Variants in MAF observed in about 807,000 individuals in gnomAD.
The protein encoded by MAF is transcription factor Maf.
Under a neutral mutation model 22.0 loss-of-function variants are expected in MAF, and 10 were observed. The ratio of observed to expected loss-of-function variants is 0.45; its 90% CI spans 0.28 to 0.77. MAF has a LOEUF of 0.77. Among genes scored for constraint, MAF ranks in the 30% least tolerant of loss-of-function variants. The pLI is 0.12. For synonymous variants in MAF, 337 were observed against 255.8 expected (o/e 1.32, Z -3.03); for missense variants, 544 against 548.4 (o/e 0.99, Z 0.08).
At chr16:79,390,722 C>T in the MAF span, among the ~76,000 whole-genome samples, 2 of 152,242 alleles carry the variant, frequency 1.3e-5, no homozygotes, top group South Asian at 4.2e-4. Context: ...TTAGAAACGA[C>T]TTGTGAGATC....
the MAF span, among the ~76,000 whole-genome samples, chr16:79,213,624 G>T: frequency 2.0e-5 from 3 of 152,152 alleles, no homozygotes; most frequent in African/African-American, 4.8e-5. Flanking sequence ...CATAGGGAAC[G>T]GCTCCTGGGC....
the MAF span, among the ~76,000 whole-genome samples, chr16:79,532,339 T>C: frequency 2.6e-5 from 4 of 152,172 alleles, no homozygotes; most frequent in South Asian, 2.1e-4. Flanking sequence ...AGACAAATAT[T>C]TTATGCAAAT....
At chr16:79,536,176 C>A in the MAF span, among the ~76,000 whole-genome samples, 3 of 152,286 alleles carry the variant, frequency 2.0e-5, no homozygotes, top group Non-Finnish European at 4.4e-5. Flanking sequence ...TGGTAGTCAA[C>A]CTACTTTTCA....
the MAF span, among the ~76,000 whole-genome samples, chr16:79,507,150 C>G: frequency 2.9e-5 from 4 of 137,824 alleles, no homozygotes; most frequent in African/African-American, 8.4e-5. Context: ...GTTTTACTCT[C>G]TCGCCCAGGC....
the MAF span, among the ~76,000 whole-genome samples, chr16:79,538,758 G>A: frequency 6.6e-6 from 1 of 151,730 alleles, no homozygotes; most frequent in Admixed American, 6.6e-5. Flanking sequence ...CCAAGGAGGT[G>A]GAGGTTGCAG....
the MAF span, among the ~76,000 whole-genome samples, chr16:79,234,720 T>A: frequency 1.3e-5 from 2 of 151,846 alleles, no homozygotes; most frequent in Non-Finnish European, 2.9e-5. Flanking sequence ...CAGGAAAGGG[T>A]TAGCTGATAC....
the MAF span, among the ~76,000 whole-genome samples, chr16:79,301,045 GA>G: frequency 6.7e-3 from 1,016 of 152,026 alleles, 10 homozygotes; most frequent in African/African-American, 0.023. Flanking sequence ...TAGGTCCCCT[GA>G]AAAAAACACA....
the MAF span, among the ~76,000 whole-genome samples, chr16:79,260,607 G>C: frequency 4.6e-5 from 7 of 152,172 alleles, no homozygotes; most frequent in Non-Finnish European, 5.9e-5. Context: ...TTGACACATA[G>C]TAATTACTCA....
At chr16:79,445,934 A>G in the MAF span, among the ~76,000 whole-genome samples, 2 of 152,170 alleles carry the variant, frequency 1.3e-5, no homozygotes, top group Non-Finnish European at 2.9e-5. Context: ...AATACATCAG[A>G]CACTGACTCT....
At chr16:79,245,220 A>T in the MAF span, among the ~76,000 whole-genome samples, 331 of 152,176 alleles carry the variant, frequency 2.2e-3, 3 homozygotes, top group African/African-American at 6.9e-3. Context: ...GACAAATGGG[A>T]TCTAATTAAA....
the MAF span, among the ~76,000 whole-genome samples, chr16:79,480,562 G>C: frequency 4.6e-5 from 7 of 152,212 alleles, no homozygotes; most frequent in African/African-American, 1.4e-4. Flanking sequence ...TCCAAGTGCA[G>C]TGCTCTATTT....
At chr16:79,498,738 A>G in the MAF span, among the ~76,000 whole-genome samples, 1 of 152,236 alleles carries the variant, frequency 6.6e-6, no homozygotes, top group Non-Finnish European at 1.5e-5. Flanking sequence ...GAATCCTTGT[A>G]TATAACATAA....
At chr16:79,284,641 G>A in the MAF span, among the ~76,000 whole-genome samples, 1 of 152,154 alleles carries the variant, frequency 6.6e-6, no homozygotes, top group Non-Finnish European at 1.5e-5. Context: ...CATAAAACAA[G>A]GGTGACTTTT....
At chr16:79,386,914 T>C in the MAF span, among the ~76,000 whole-genome samples, 1 of 152,182 alleles carries the variant, frequency 6.6e-6, no homozygotes, top group African/African-American at 2.4e-5. Context: ...AGGCAGTTCT[T>C]TGAAGTCTTA....
At chr16:79,551,491 A>G in the MAF span, among the ~76,000 whole-genome samples, 5 of 152,146 alleles carry the variant, frequency 3.3e-5, no homozygotes, top group African/African-American at 7.2e-5. Flanking sequence ...ACTGGCCCTA[A>G]CAATTACAAG....
At chr16:79,499,141 T>C in the MAF span, among the ~76,000 whole-genome samples, 1 of 152,214 alleles carries the variant, frequency 6.6e-6, no homozygotes. Flanking sequence ...ATTAGTCATC[T>C]TTGCTGCAGT....
At chr16:79,494,489 C>T in the MAF span, among the ~76,000 whole-genome samples, 6 of 152,146 alleles carry the variant, frequency 3.9e-5, no homozygotes, top group African/African-American at 1.4e-4. Flanking sequence ...ACACCCAAGA[C>T]AGTTTCTCCA....
chr16:79,547,778 C>T, the MAF span, among the ~76,000 whole-genome samples: 2 of 152,028 alleles, frequency 1.3e-5, no homozygotes, highest in African/African-American at 4.8e-5. Context: ...AAAATAAGTC[C>T]AATACTGGAT....
chr16:79,365,215 T>C, the MAF span, among the ~76,000 whole-genome samples: 2 of 152,182 alleles, frequency 1.3e-5, no homozygotes, highest in Non-Finnish European at 2.9e-5. Context: ...CTAAATGTCA[T>C]TTTCTTTGGT....
Sources: gnomAD v4.1 joint callset for allele counts (sites outside exome capture counted in the v4.1 genomes callset) on GRCh38, gnomAD v4.1.1 for gene constraint, MANE v1.5 for transcripts, NCBI Gene and HGNC (gene_info 2026-07-23, HGNC 2026-07-21) for gene names.